The following BBS9 variants were observed in gnomAD, a reference collection of about 807,000 sequenced individuals.
BBS9 encodes protein PTHB1.
Under a neutral mutation model 117.7 loss-of-function variants are expected in BBS9, and 89 were observed. The ratio of observed to expected loss-of-function variants is 0.76; its 90% CI spans 0.64 to 0.90. The LOEUF is 0.90. Ranked by LOEUF, BBS9 falls within the 40% of genes least tolerant of loss-of-function variation. BBS9 has a pLI of 0.00. For missense variants in BBS9, 982 were observed against 1,042.2 expected (o/e 0.94, Z 0.80); for synonymous variants, 379 against 370.9 (o/e 1.02, Z -0.25).
rs1850942894 is a variant in BBS9 at position 33,533,767 on chromosome 7, G to T, written c.2299-187G>T. 1.1e-5 allele frequency: 7 copies of T among 642,548 alleles called. No homozygotes were observed. In the Admixed American group the frequency reaches 1.5e-4, roughly 14 times the overall value. 39.8% of individuals were successfully genotyped at this position (642,548 alleles called of 1,614,324 possible). A position where few individuals can be genotyped will look rare whatever the true frequency, so the allele number is the denominator to read the frequency against. ...GAGGCTAAGAGGAATTAAGTAACTT[G>T]CTCAAGGTCAAACAGGTGACAGAGC... On this transcript the variant is annotated intron_variant, in intron 20 of 22. Transcript: ENST00000242067.
At chr7:33,265,797 C>A (rs1179471134) in intron 7 of BBS9, among the ~76,000 whole-genome samples, 1 of 151,936 alleles carries the variant, frequency 6.6e-6, no homozygotes, top group African/African-American at 2.4e-5. Flanking sequence ...AAGCTGAGAT[C>A]GTGCCACTGT....
chr7:33,382,175 T>C (rs1250744225), intron 17 of BBS9, among the ~76,000 whole-genome samples: 1 of 152,070 alleles, frequency 6.6e-6, no homozygotes, highest in African/African-American at 2.4e-5. Context: ...AAGTGTATAA[T>C]TCCTGACCCA....
intron 5 of BBS9, among the ~76,000 whole-genome samples, chr7:33,252,236 C>T (rs1229134022): frequency 2.0e-5 from 3 of 152,154 alleles, no homozygotes; most frequent in Non-Finnish European, 4.4e-5. Flanking sequence ...GGACCACCCT[C>T]GTGATCCAAT....
At chr7:33,415,534 G>T (rs917678783) in intron 19 of BBS9, among the ~76,000 whole-genome samples, 2 of 152,156 alleles carry the variant, frequency 1.3e-5, no homozygotes, top group African/African-American at 4.8e-5. Flanking sequence ...CAGTAAAACA[G>T]TAAGACACCA....
chr7:33,402,920 T>C (rs1452735680), intron 19 of BBS9, among the ~76,000 whole-genome samples: 2 of 152,128 alleles, frequency 1.3e-5, no homozygotes, highest in Admixed American at 6.6e-5. Context: ...CAATGTTTAG[T>C]TCCTACTTAT....
rs1312422199 is a variant in BBS9, at chr7:33,424,452, GAAGAGATGTTT to G, written c.2115+36309_2115+36319del. ...CTTAGACTCACCAAATTTCAAACGA[GAAGAGATGTTT>G]TTTTTAAAAGGTTCCCTGGTGATTC... On this transcript the variant is annotated intron_variant, in intron 19 of 22. Coordinates refer to ENST00000242067, the MANE Select transcript of BBS9 (RefSeq NM_198428.3). 2.6e-5 allele frequency among the ~76,000 whole-genome samples: 4 copies of G among 152,158 alleles called. No homozygotes were observed. The East Asian group carries it at 7.7e-4, about 29-fold the overall frequency.
chr7:33,495,236 C>T (rs1844547819), intron 19 of BBS9, among the ~76,000 whole-genome samples: 1 of 152,034 alleles, frequency 6.6e-6, no homozygotes. Context: ...CCCTTTTTGC[C>T]TTTTTGGGAG....
intron 9 of BBS9, among the ~76,000 whole-genome samples, chr7:33,285,405 A>T (rs893478978): frequency 1.3e-5 from 2 of 152,168 alleles, no homozygotes; most frequent in African/African-American, 4.8e-5. Flanking sequence ...GGGATGAAGG[A>T]ACAGAATTAT....
At chr7:33,180,073 C>T (rs749716976) in intron 5 of BBS9, among the ~76,000 whole-genome samples, 5 of 152,172 alleles carry the variant, frequency 3.3e-5, no homozygotes, top group African/African-American at 4.8e-5. Context: ...CAGCCCTGGT[C>T]ACCCGCTCTG....
At chr7:33,421,694 G>A (rs1417254383) in intron 19 of BBS9, among the ~76,000 whole-genome samples, 1 of 152,148 alleles carries the variant, frequency 6.6e-6, no homozygotes, top group Non-Finnish European at 1.5e-5. Context: ...GAAACAAACA[G>A]TAGAGATCTT....
chr7:33,589,914 A>T lies in BBS9; in HGVS notation c.2522-14951A>T, dbSNP rs150142104. 8.8e-3 allele frequency among the ~76,000 whole-genome samples: 1,336 copies of T among 152,248 alleles called. 70 individuals are homozygous for T. The highest frequency in any genetic ancestry group is 0.08 in the Admixed American group (1,226 of 15,270). Reference sequence around the variant, plus strand: ...TTTAGAAAAGAGATGAGGACCAAAAACTGAGTGCTGGATATTGTAACTTTT... The same window carrying T: ...TTTAGAAAAGAGATGAGGACCAAAATCTGAGTGCTGGATATTGTAACTTTT... On this transcript the variant is annotated intron_variant, in intron 21 of 22. Coordinates refer to ENST00000242067, the MANE Select transcript of BBS9 (RefSeq NM_198428.3).
chr7:33,614,196 A>C (rs1330519181), intron 21 of BBS9, among the ~76,000 whole-genome samples: 1 of 152,124 alleles, frequency 6.6e-6, no homozygotes. Context: ...TTCTTTTTAA[A>C]ATACAGTTTT....
chr7:33,250,246 T>TA (rs1242000987), intron 5 of BBS9, among the ~76,000 whole-genome samples: 1 of 152,194 alleles, frequency 6.6e-6, no homozygotes, highest in Non-Finnish European at 1.5e-5. Flanking sequence ...GTCTCTTTTT[T>TA]AGAGTTACTA....
At chr7:33,324,701 A>G (rs1584326440) in intron 9 of BBS9, among the ~76,000 whole-genome samples, 1 of 151,520 alleles carries the variant, frequency 6.6e-6, no homozygotes, top group East Asian at 1.9e-4. Context: ...GTCTGGGATA[A>G]TCTTTATTTC....
At chr7:33,201,134 G>A (rs1291257959) in intron 5 of BBS9, among the ~76,000 whole-genome samples, 1 of 152,014 alleles carries the variant, frequency 6.6e-6, no homozygotes, top group Non-Finnish European at 1.5e-5. Flanking sequence ...GGGGACCATG[G>A]GCATAATGTA....
At chr7:33,399,769 G>C (rs1828607859) in intron 19 of BBS9, among the ~76,000 whole-genome samples, 1 of 152,150 alleles carries the variant, frequency 6.6e-6, no homozygotes, top group Admixed American at 6.5e-5. Flanking sequence ...AATGATGTAA[G>C]TTATAGGGCT....
At chr7:33,548,670 T>A (rs1375555670) in intron 21 of BBS9, among the ~76,000 whole-genome samples, 1 of 151,536 alleles carries the variant, frequency 6.6e-6, no homozygotes, top group Admixed American at 6.6e-5. Flanking sequence ...TGAACTCCCA[T>A]TCACAATTGC....
chr7:33,333,581 T>A (rs1814618439), intron 9 of BBS9, among the ~76,000 whole-genome samples: 1 of 152,114 alleles, frequency 6.6e-6, no homozygotes. Context: ...CATCAGGGAA[T>A]GCTACTCAGC....
chr7:33,585,610 AAC>A (rs1860750222), intron 21 of BBS9, among the ~76,000 whole-genome samples: 1 of 152,124 alleles, frequency 6.6e-6, no homozygotes. Context: ...TAAATGAGCA[AAC>A]ACAAAATAAG....
Sources: allele counts gnomAD v4.1 joint callset (sites outside exome capture counted in the v4.1 genomes callset), GRCh38; gene constraint gnomAD v4.1.1; transcripts MANE v1.5; gene names NCBI Gene and HGNC (gene_info 2026-07-23, HGNC 2026-07-21).